Variants in CSNK2A2IP observed in about 807,000 individuals in gnomAD.
The protein encoded by CSNK2A2IP is casein kinase II subunit alpha'-interacting protein.
At chr3:88,399,373 A>G in the CSNK2A2IP span, among the ~76,000 whole-genome samples, 1 of 152,214 alleles carries the variant, frequency 6.6e-6, no homozygotes, top group Non-Finnish European at 1.5e-5. Context: ...AGAAATATTT[A>G]GAAGTGATTA....
the CSNK2A2IP span, chr3:88,466,606 A>G: frequency 6.5e-6 from 8 of 1,231,614 alleles, no homozygotes; most frequent in Non-Finnish European, 7.1e-6. Context: ...TTTAAAGTAT[A>G]GTCAGCCCTG....
At chr3:88,370,994 G>C in the CSNK2A2IP span, among the ~76,000 whole-genome samples, 1 of 151,712 alleles carries the variant, frequency 6.6e-6, no homozygotes, top group African/African-American at 2.4e-5. Context: ...ACTAGATACT[G>C]AATCAGCCAG....
chr3:88,404,243 A>G, the CSNK2A2IP span, among the ~76,000 whole-genome samples: 2 of 152,188 alleles, frequency 1.3e-5, no homozygotes, highest in African/African-American at 4.8e-5. Context: ...ACAGAAACAC[A>G]GTGAAATGTT....
At chr3:88,384,601 T>C in the CSNK2A2IP span, among the ~76,000 whole-genome samples, 1 of 152,056 alleles carries the variant, frequency 6.6e-6, no homozygotes, top group Admixed American at 6.6e-5. Flanking sequence ...CAAAGAGCAA[T>C]AGGGACTCCT....
the CSNK2A2IP span, among the ~76,000 whole-genome samples, chr3:88,354,443 G>T: frequency 6.6e-6 from 1 of 152,136 alleles, no homozygotes; most frequent in East Asian, 1.9e-4. Flanking sequence ...CAAAATTTAA[G>T]GAATGCTGAA....
At chr3:88,367,172 T>C in the CSNK2A2IP span, among the ~76,000 whole-genome samples, 1 of 152,084 alleles carries the variant, frequency 6.6e-6, no homozygotes, top group Non-Finnish European at 1.5e-5. Context: ...TAACTTGTGC[T>C]TGAACCTGCT....
chr3:88,451,384 G>A, the CSNK2A2IP span, among the ~76,000 whole-genome samples: 7 of 150,684 alleles, frequency 4.6e-5, no homozygotes, highest in African/African-American at 1.5e-4. Context: ...TGTCTTCTTT[G>A]GAGAAATGTC....
At chr3:88,432,571 C>T in the CSNK2A2IP span, among the ~76,000 whole-genome samples, 1 of 151,644 alleles carries the variant, frequency 6.6e-6, no homozygotes. Flanking sequence ...AATCACTTCA[C>T]TGTGTATATA....
chr3:88,431,651 G>A, the CSNK2A2IP span, among the ~76,000 whole-genome samples: 3 of 151,880 alleles, frequency 2.0e-5, no homozygotes, highest in Admixed American at 1.3e-4. Flanking sequence ...TTAAGTTTGG[G>A]GTTTTAAAAT....
chr3:88,428,845 C>A, the CSNK2A2IP span, among the ~76,000 whole-genome samples: 1 of 151,778 alleles, frequency 6.6e-6, no homozygotes, highest in Non-Finnish European at 1.5e-5. Flanking sequence ...TTCTTACTTG[C>A]ATTTATTTTT....
the CSNK2A2IP span, among the ~76,000 whole-genome samples, chr3:88,438,777 G>A: frequency 1.3e-5 from 2 of 152,138 alleles, no homozygotes; most frequent in African/African-American, 2.4e-5. Flanking sequence ...CCTGTGTCAC[G>A]TAAGACTCTG....
the CSNK2A2IP span, among the ~76,000 whole-genome samples, chr3:88,355,416 T>A: frequency 6.6e-6 from 1 of 152,058 alleles, no homozygotes; most frequent in African/African-American, 2.4e-5. Flanking sequence ...TCCTCTGGTC[T>A]TTTGGCCACA....
the CSNK2A2IP span, among the ~76,000 whole-genome samples, chr3:88,357,493 T>C: frequency 6.6e-6 from 1 of 152,190 alleles, no homozygotes; most frequent in African/African-American, 2.4e-5. Context: ...CTTTGTAGTA[T>C]TATTTGAAGT....
the CSNK2A2IP span, among the ~76,000 whole-genome samples, chr3:88,389,125 C>T: frequency 6.6e-6 from 1 of 151,616 alleles, no homozygotes; most frequent in South Asian, 2.1e-4. Flanking sequence ...ATTAGTGTTC[C>T]ATAGAACAAT....
At chr3:88,457,225 C>T in the CSNK2A2IP span, among the ~76,000 whole-genome samples, 686 of 152,216 alleles carry the variant, frequency 4.5e-3, 2 homozygotes, top group Non-Finnish European at 6.9e-3. Flanking sequence ...TTAAAGAGTA[C>T]TGTTAAAATA....
chr3:88,431,944 G>T, the CSNK2A2IP span, among the ~76,000 whole-genome samples: 1 of 151,996 alleles, frequency 6.6e-6, no homozygotes, highest in African/African-American at 2.4e-5. Flanking sequence ...TAATAGATAA[G>T]GCTCAAGCCA....
the CSNK2A2IP span, among the ~76,000 whole-genome samples, chr3:88,445,992 TCTTTCTTTCTC>T: frequency 2.0e-5 from 3 of 149,928 alleles, no homozygotes; most frequent in Admixed American, 2.0e-4. Flanking sequence ...CTTTCTTTTT[TCTTTCTTTCTC>T]CTTTCTTTCT....
the CSNK2A2IP span, among the ~76,000 whole-genome samples, chr3:88,398,514 C>T: frequency 2.0e-5 from 3 of 152,050 alleles, no homozygotes; most frequent in East Asian, 1.9e-4. Context: ...AAATTGGGTG[C>T]GTATATACTT....
chr3:88,429,857 A>G, the CSNK2A2IP span, among the ~76,000 whole-genome samples: 8 of 151,544 alleles, frequency 5.3e-5, no homozygotes, highest in Middle Eastern at 3.5e-3. Context: ...GGTTCACGCC[A>G]TTCTCCTGCC....
Sources: gnomAD v4.1 joint callset for allele counts (sites outside exome capture counted in the v4.1 genomes callset) on GRCh38, gnomAD v4.1.1 for gene constraint, MANE v1.5 for transcripts, NCBI Gene and HGNC (gene_info 2026-07-23, HGNC 2026-07-21) for gene names.